CATSPERD: variants seen among roughly 807,000 people sequenced by gnomAD.
CATSPERD encodes cation channel sperm-associated auxiliary subunit delta.
Under a neutral mutation model 98.1 loss-of-function variants are expected in CATSPERD, and 86 were observed. That is an observed-to-expected ratio of 0.88 (90% CI 0.74 to 1.05). The LOEUF (loss-of-function observed/expected upper bound fraction) is 1.05. Ranked by LOEUF, CATSPERD falls within the 50% of genes least tolerant of loss-of-function variation. CATSPERD has a pLI of 0.00. For missense variants in CATSPERD, 995 were observed against 1,005.7 expected (o/e 0.99, Z 0.14); for synonymous variants, 394 against 390.2 (o/e 1.01, Z -0.12).
intron 16 of CATSPERD, among the ~76,000 whole-genome samples, chr19:5,765,020 C>T (rs575527055): frequency 6.6e-6 from 1 of 152,050 alleles, no homozygotes; most frequent in East Asian, 1.9e-4. Flanking sequence ...AAGTGATCTT[C>T]CTGCCTCAGC....
chr19:5,773,803 C>T (rs1014333529), intron 20 of CATSPERD, among the ~76,000 whole-genome samples: 3 of 151,222 alleles, frequency 2.0e-5, no homozygotes, highest in Non-Finnish European at 4.4e-5. Context: ...AGTCACCACG[C>T]TCAGCCTCAG....
chr19:5,774,077 C>T (rs2056698091), intron 20 of CATSPERD, among the ~76,000 whole-genome samples: 1 of 149,556 alleles, frequency 6.7e-6, no homozygotes, highest in African/African-American at 2.5e-5. Context: ...AAGCAATTCT[C>T]CCGCCTCAGC....
At chr19:5,744,306 T>C (rs1344234096) in intron 7 of CATSPERD, 121 bp from the exon 8 acceptor site, 2 of 820,246 alleles carry the variant, frequency 2.4e-6, no homozygotes, top group Non-Finnish European at 4.0e-6. Context: ...CAGAGGGCAT[T>C]ATTTGTTTTT....
At chr19:5,745,269 A>C (rs1355781999) in intron 8 of CATSPERD, among the ~76,000 whole-genome samples, 4 of 151,854 alleles carry the variant, frequency 2.6e-5, no homozygotes, top group African/African-American at 9.7e-5. Context: ...CCATTTCAGT[A>C]TGTAATCAAT....
In CATSPERD at chr19:5,759,007, A is replaced by G. The variant is rs1275360101; in HGVS notation, c.1369-79A>G. The G allele has an allele frequency of 1.3e-5, 17 of 1,307,966 alleles. No individual in the cohort carries two copies. In the Middle Eastern group the frequency reaches 5.5e-4, roughly 42 times the overall value. The allele number at this position is 1,307,966 out of a possible 1,614,324, so 81.0% of individuals were successfully genotyped here. ...CCCCCCATGTCCCCTCCAACACCCC[A>G]TCTCTCCCAATGTCCTGAGTTGGGG... On this transcript the variant is annotated intron_variant, in intron 14 of 21. Transcript: ENST00000381624.
intron 20 of CATSPERD, among the ~76,000 whole-genome samples, chr19:5,774,089 T>G (rs2056698552): frequency 6.8e-6 from 1 of 148,038 alleles, no homozygotes; most frequent in South Asian, 2.2e-4. Context: ...CGCCTCAGCC[T>G]CCTGAGTAGC....
intron 14 of CATSPERD, 79 bp downstream of exon 14, chr19:5,758,011 AT>A: frequency 7.8e-7 from 1 of 1,279,642 alleles, no homozygotes; most frequent in Non-Finnish European, 1.1e-6. Flanking sequence ...CAGCATAAAA[AT>A]TTAGGAGTTT....
chr19:5,760,271 C>T (rs1057169131), intron 15 of CATSPERD, among the ~76,000 whole-genome samples: 2 of 150,916 alleles, frequency 1.3e-5, no homozygotes, highest in African/African-American at 2.4e-5. Context: ...TGGTGACAGG[C>T]GCCTGTAGTC....
intron 4 of CATSPERD, among the ~76,000 whole-genome samples, chr19:5,731,556 AAC>A (rs1292020492): frequency 3.7e-5 from 4 of 107,418 alleles, no homozygotes; most frequent in Non-Finnish European, 6.1e-5. Flanking sequence ...AGCGACACTT[AAC>A]AGTTTTTTTT....
chr19:5,778,667 T>C lies in CATSPERD; in HGVS notation c.2388T>C (p.Ser796=), dbSNP rs1219352545. 6.2e-7 allele frequency: 1 copy of C among 1,611,950 alleles called. No individual in the cohort carries two copies. Among genetic ancestry groups the C allele is most frequent in the African/African-American group, 1.3e-5 (1 of 74,924 alleles). ...GRHRTPHGGR[S]DH Reference sequence around the variant, plus strand: ...ACCGCACTCCTCACGGAGGCAGGTCTGACCACTGAGGCCGGTCCACAGGGT... The same window carrying C: ...ACCGCACTCCTCACGGAGGCAGGTCCGACCACTGAGGCCGGTCCACAGGGT... Residue 796 remains serine, a synonymous_variant, in exon 22 of 22, where the codon TCT becomes TCC. Coordinates refer to ENST00000381624, the MANE Select transcript of CATSPERD (RefSeq NM_152784.4).
chr19:5,776,261 T>G lies in CATSPERD; in HGVS notation c.2042T>G (p.Phe681Cys). The change falls in exon 21 of 22, where the codon TTC (phenylalanine) becomes TGC (cysteine). Residue 681 changes from phenylalanine (F) to cysteine (C), a missense_variant. Phe to Cys is a radical substitution (Grantham distance 205). This residue lies in a region of CATSPERD where 762 missense variants were observed against 773.7 expected (regional missense o/e 0.98). Transcript: ENST00000381624. ...GGCCGGACAGCAAACCAGATCATTT[T>G]CGGCCACAATGGCTTTTATGTCTTC... is the stretch of plus-strand genomic sequence containing the variant. Reference protein sequence around the residue: ...LGGRTANQIIFGHNGFYVFYI... With the variant: ...LGGRTANQIICGHNGFYVFYI... 1.2e-6 allele frequency: 2 copies of G among 1,614,232 alleles called. No individual in the cohort carries two copies. Among genetic ancestry groups the G allele is most frequent in the Non-Finnish European group, 1.7e-6 (2 of 1,180,046 alleles).
At chr19:5,733,310 T>G (rs1029421691) in intron 4 of CATSPERD, among the ~76,000 whole-genome samples, 3 of 138,584 alleles carry the variant, frequency 2.2e-5, no homozygotes, top group African/African-American at 9.0e-5. Flanking sequence ...TTTTTCTTTT[T>G]CTTTCTTTCT....
At chr19:5,755,946 A>C (rs2056316304) in intron 13 of CATSPERD, among the ~76,000 whole-genome samples, 1 of 152,052 alleles carries the variant, frequency 6.6e-6, no homozygotes, top group African/African-American at 2.4e-5. Flanking sequence ...ATGCCATTGC[A>C]CTCCAGCCTG....
At chr19:5,737,079 A>C in intron 5 of CATSPERD, 59 bp from the exon 6 acceptor site, 1 of 1,215,750 alleles carries the variant, frequency 8.2e-7, no homozygotes, top group Non-Finnish European at 1.2e-6. Flanking sequence ...AAAAACAAAA[A>C]ACTTTTCTCC....
chr19:5,762,058 A>ATTTT lies in CATSPERD; in HGVS notation c.1428-1137_1428-1134dup, dbSNP rs869295948. 9.6e-4 allele frequency among the ~76,000 whole-genome samples: 10 copies of ATTTT among 10,438 alleles called. 1 individual carries two copies. Among genetic ancestry groups the ATTTT allele is most frequent in the East Asian group, 5.8e-3 (2 of 344 alleles). The allele number at this position is 10,438 out of a possible 152,430, so 6.8% of individuals were successfully genotyped here. On this transcript the variant is annotated intron_variant, in intron 15 of 21. Coordinates refer to ENST00000381624, the MANE Select transcript of CATSPERD (RefSeq NM_152784.4). ...TGGCCTGCCATATATATATATATATATTTTTTTTTTTTTTTTTTTTTTTGA... is the reference window on the plus strand; with the variant it reads ...TGGCCTGCCATATATATATATATATATTTTTTTTTTTTTTTTTTTTTTTTTTTGA...
intron 16 of CATSPERD, among the ~76,000 whole-genome samples, chr19:5,764,248 T>C (rs2056497810): frequency 6.6e-6 from 1 of 151,280 alleles, no homozygotes; most frequent in Non-Finnish European, 1.5e-5. Flanking sequence ...TTTTTTTTTT[T>C]AAGATATGAA....
Position 5,739,355 on chromosome 19 carries a change from C to T in CATSPERD, c.489C>T (p.Phe163=), listed in dbSNP as rs1599531020. ...VHVSNLVFAY[F]RGDQISQTYI... is the part of the protein sequence containing the mutation. ...TCAGTAATTTGGTTTTTGCATATTT[C>T]CGTGGAGATCAGATATCCCAGACTT... The change falls in exon 7 of 22, where the codon TTC becomes TTT. Residue 163 remains phenylalanine, a synonymous_variant. Coordinates refer to ENST00000381624, the MANE Select transcript of CATSPERD (RefSeq NM_152784.4). 6.3e-7 allele frequency: 1 copy of T among 1,582,322 alleles called. No individual in the cohort carries two copies. The highest frequency in any genetic ancestry group is 2.2e-5 in the East Asian group (1 of 44,514).
intron 7 of CATSPERD, among the ~76,000 whole-genome samples, chr19:5,740,419 C>A (rs953616609): frequency 1.3e-5 from 2 of 151,734 alleles, no homozygotes; most frequent in Admixed American, 1.3e-4. Flanking sequence ...GAAACCCCAT[C>A]TCTACTAAAA....
intron 15 of CATSPERD, among the ~76,000 whole-genome samples, chr19:5,760,505 C>T (rs568677371): frequency 6.6e-6 from 1 of 151,712 alleles, no homozygotes; most frequent in Admixed American, 6.6e-5. Flanking sequence ...AAGGACAAAT[C>T]CTGTGTGATT....
Sources: allele counts gnomAD v4.1 joint callset (sites outside exome capture counted in the v4.1 genomes callset), GRCh38; gene constraint gnomAD v4.1.1; regional missense constraint gnomAD v4.1.1; transcripts MANE v1.5; gene names NCBI Gene and HGNC (gene_info 2026-07-23, HGNC 2026-07-21).